Variants in UNC80 observed in about 807,000 individuals in gnomAD.
UNC80 encodes the protein unc-80 subunit of NALCN channel complex.
Under a neutral mutation model 384.6 loss-of-function variants are expected in UNC80, and 164 were observed. The ratio of observed to expected loss-of-function variants is 0.43; its 90% CI spans 0.38 to 0.49. The LOEUF (loss-of-function observed/expected upper bound fraction) is 0.49, where lower values mean the gene tolerates loss of function less well. Among genes scored for constraint, UNC80 ranks in the 20% least tolerant of loss-of-function variants. The probability of loss-of-function intolerance (pLI) is 0.00; values close to 1 mark genes in which losing one functional copy is unlikely to be tolerated. For synonymous variants in UNC80, 1,486 were observed against 1,527.8 expected (o/e 0.97, Z 0.64); for missense variants, 3,330 against 4,143.0 (o/e 0.80, Z 5.39).
chr2:209,915,611 T>C (rs996917906), intron 31 of UNC80, among the ~76,000 whole-genome samples: 9 of 152,108 alleles, frequency 5.9e-5, no homozygotes, highest in African/African-American at 2.2e-4. Context: ...CACTGAATTG[T>C]GAAAAACCAG....
At chr2:209,946,134 G>C (rs898014896) in intron 47 of UNC80, among the ~76,000 whole-genome samples, 191 bp downstream of exon 47, 1 of 152,184 alleles carries the variant, frequency 6.6e-6, no homozygotes, top group African/African-American at 2.4e-5. Context: ...GCTGAGGCAA[G>C]AGGATTCCTT....
At position 209,995,526 on chromosome 2, in the gene UNC80, T is replaced by A; in HGVS notation, c.9906T>A (p.Ser3302=). Residue 3302 remains serine (S), a synonymous_variant, in exon 65 of 65, where the codon TCT becomes TCA. Transcript: ENST00000673920. ...ATGGCATGGAGAACCCGCTACTATC[T>A]AGTCAGTTCACCTTTACTCCCACTG... ...EENGMENPLL[S]SQFTFTPTEL... The A allele has an allele frequency of 1.3e-6, 2 of 1,551,956 alleles. No homozygotes were observed. Among genetic ancestry groups the A allele is most frequent in the Non-Finnish European group, 1.7e-6 (2 of 1,147,062 alleles).
At chr2:209,927,756 G>T (rs778779018) in intron 36 of UNC80, among the ~76,000 whole-genome samples, 1 of 152,164 alleles carries the variant, frequency 6.6e-6, no homozygotes, top group Non-Finnish European at 1.5e-5. Context: ...TTAAAAGTGT[G>T]AAAAGCTTTT....
At chr2:209,871,207 C>G (rs907724962) in intron 22 of UNC80, among the ~76,000 whole-genome samples, 1 of 152,154 alleles carries the variant, frequency 6.6e-6, no homozygotes, top group Non-Finnish European at 1.5e-5. Flanking sequence ...TACTTGCACT[C>G]TACAAATTAT....
intron 53 of UNC80, among the ~76,000 whole-genome samples, chr2:209,970,486 CATT>C (rs1252872494): frequency 6.6e-6 from 1 of 152,202 alleles, no homozygotes; most frequent in Non-Finnish European, 1.5e-5. Context: ...TTGCCATCAT[CATT>C]GTTGTCAGTA....
intron 48 of UNC80, among the ~76,000 whole-genome samples, chr2:209,955,725 A>G (rs1458472817): frequency 5.8e-5 from 5 of 86,780 alleles, no homozygotes; most frequent in Non-Finnish European, 9.9e-5. Context: ...ATATATATAT[A>G]TATATATATA....
chr2:209,834,825 CAG>C, intron 17 of UNC80, 85 bp from the exon 18 acceptor site: 1 of 1,119,202 alleles, frequency 8.9e-7, no homozygotes, highest in African/African-American at 1.5e-5. Flanking sequence ...TTGTCTACAA[CAG>C]AGTGTTTTGT....
chr2:209,966,851 A>T (rs948271981), intron 51 of UNC80, among the ~76,000 whole-genome samples: 1 of 152,190 alleles, frequency 6.6e-6, no homozygotes, highest in African/African-American at 2.4e-5. Flanking sequence ...CATGTATAAG[A>T]TAACAAGAGA....
At chr2:209,841,602 G>T (rs544513159) in intron 20 of UNC80, among the ~76,000 whole-genome samples, 2 of 151,936 alleles carry the variant, frequency 1.3e-5, no homozygotes, top group Non-Finnish European at 1.5e-5. Context: ...CACCTGCCTC[G>T]GCCTCCCAAA....
chr2:209,847,011 T>G (rs1360033940), intron 21 of UNC80, among the ~76,000 whole-genome samples: 1 of 152,116 alleles, frequency 6.6e-6, no homozygotes, highest in East Asian at 1.9e-4. Context: ...TCTGACCTTC[T>G]TCCATATAAA....
intron 6 of UNC80, among the ~76,000 whole-genome samples, chr2:209,789,879 A>G (rs566966038): frequency 1.3e-5 from 2 of 152,186 alleles, no homozygotes; most frequent in African/African-American, 2.4e-5. Context: ...CTTTATCTCA[A>G]TGGCTAACAT....
chr2:209,822,741 C>T (rs944169173), intron 13 of UNC80, among the ~76,000 whole-genome samples: 4 of 152,050 alleles, frequency 2.6e-5, no homozygotes, highest in Non-Finnish European at 5.9e-5. Flanking sequence ...ATTTTAACCA[C>T]ATTTTTATTG....
chr2:209,829,485 T>C (rs569544806), intron 15 of UNC80, 106 bp downstream of exon 15: 1 of 1,201,902 alleles, frequency 8.3e-7, no homozygotes, highest in East Asian at 2.6e-5. Context: ...GAGGAAAAGA[T>C]ACGTATGTGT....
At position 209,959,685 on chromosome 2, in the gene UNC80, C is replaced by T. The variant is rs1370032012; in HGVS notation, c.7783C>T (p.Leu2595=). Residue 2595 remains leucine (L), a synonymous_variant, in exon 51 of 65, where the codon CTG becomes TTG. Coordinates refer to ENST00000673920, the MANE Select transcript of UNC80 (RefSeq NM_001371986.1). ...GEPRVIALEL[L]DVKSHMRLAE... ...GCCTCGGGTCATTGCCTTGGAACTG[C>T]TGGATGTGAAGTCTCACATGAGGTA... 1.9e-6 allele frequency: 3 copies of T among 1,551,516 alleles called. No individual in the cohort carries two copies. The highest frequency in any genetic ancestry group is 2.6e-6 in the Non-Finnish European group (3 of 1,146,978).
intron 38 of UNC80, among the ~76,000 whole-genome samples, chr2:209,931,364 A>AACACAC (rs61386739): frequency 0.11 from 13,946 of 125,374 alleles, 942 homozygotes; most frequent in Non-Finnish European, 0.13. Context: ...TCTATGTTTA[A>AACACAC]ACACACACAC....
intron 42 of UNC80, among the ~76,000 whole-genome samples, chr2:209,938,676 GTCTCTCTCTCTCTC>G (rs10555565): frequency 5.6e-4 from 77 of 137,476 alleles, no homozygotes; most frequent in African/African-American, 1.8e-3. Flanking sequence ...CCTAGTCTCT[GTCTCTCTCTCTCTC>G]TCTCTCTCTC....
chr2:209,842,423 A>G lies in UNC80; in HGVS notation c.3431A>G (p.Glu1144Gly), dbSNP rs1347389224. Reference sequence around the variant, plus strand: ...GGCATGGAAAATGGAAGAGATGAAGAGGAGAATTTCTTCAAGCGTCTTGGT... The same window carrying G: ...GGCATGGAAAATGGAAGAGATGAAGGGGAGAATTTCTTCAAGCGTCTTGGT... ...GSGMENGRDE[E>G]ENFFKRLGCH... is the part of the protein sequence containing the mutation. The change falls in exon 21 of 65, where the codon GAG becomes GGG. Residue 1144 changes from glutamate (E) to glycine (G), a missense_variant. This residue lies in a region of UNC80 where 801 missense variants were observed against 950.8 expected (regional missense o/e 0.84). Transcript: ENST00000673920. 1 of 1,550,928 alleles carries G rather than the reference A, an allele frequency of 6.4e-7. No homozygotes were observed. The highest frequency in any genetic ancestry group is 2.0e-5 in the Admixed American group (1 of 50,984).
intron 18 of UNC80, among the ~76,000 whole-genome samples, chr2:209,838,504 C>T (rs1432620941): frequency 6.6e-6 from 1 of 152,098 alleles, no homozygotes; most frequent in African/African-American, 2.4e-5. Context: ...GTTTCTTTGA[C>T]TTACTGGTTG....
chr2:209,872,077 A>G lies in UNC80; in HGVS notation c.3628-681A>G, dbSNP rs2124881699. ...GAGTGCAGTGGCGCGATCTCAGCTA[A>G]CTGCAACTTACACCTCCCAGGTTCA... On this transcript the variant is annotated intron_variant, in intron 22 of 64. Coordinates refer to ENST00000673920, the MANE Select transcript of UNC80 (RefSeq NM_001371986.1). This position sits in a 1 kb window ranked among gnomAD's most constrained non-coding sequence, Gnocchi z 4.1. 6.6e-6 allele frequency among the ~76,000 whole-genome samples: 1 copy of G among 152,180 alleles called. No individual in the cohort carries two copies. The highest frequency in any genetic ancestry group is 2.1e-4 in the South Asian group (1 of 4,824).
Sources: allele counts gnomAD v4.1 joint callset (sites outside exome capture counted in the v4.1 genomes callset), GRCh38; gene constraint gnomAD v4.1.1; regional missense constraint gnomAD v4.1.1; non-coding constraint Gnocchi (gnomAD v3.1); transcripts MANE v1.5; gene names NCBI Gene and HGNC (gene_info 2026-07-23, HGNC 2026-07-21).